Variants in DCTN1 observed in about 807,000 individuals in gnomAD.
DCTN1 encodes 150 kDa dynein-associated polypeptide.
DCTN1 carries 61 observed loss-of-function variants against 161.2 expected under a neutral mutation model. The observed-to-expected ratio is 0.38, with a 90% CI of 0.31 to 0.47. The LOEUF is 0.47. Among genes scored for constraint, DCTN1 ranks in the 20% least tolerant of loss-of-function variants. The probability of loss-of-function intolerance (pLI) is 0.99; values close to 1 mark genes in which losing one functional copy is unlikely to be tolerated. For missense variants in DCTN1, 1,404 were observed against 1,623.7 expected (o/e 0.86, Z 2.33); for synonymous variants, 653 against 632.4 (o/e 1.03, Z -0.49).
At chr2:74,384,620 G>A (rs1353084993), upstream of DCTN1, among the ~76,000 whole-genome samples, 1 of 152,194 alleles carries the variant, frequency 6.6e-6, no homozygotes, top group Non-Finnish European at 1.5e-5. Flanking sequence ...TTTGGAGAAT[G>A]AAAAAGGAGA....
upstream of DCTN1, chr2:74,380,376 T>C (rs2103737803): frequency 2.0e-6 from 1 of 509,228 alleles, no homozygotes. Context: ...GCCCCCCTGC[T>C]TCACGTGGGC....
In DCTN1 at chr2:74,367,025, A is replaced by C; in HGVS notation, c.2316+20T>G. ...ACTAAGAAAGAAGAGGAGCTCACAC[A>C]GATCTAGATGTGTTCTCACCTGCAA... On this transcript the variant is annotated intron_variant, in intron 20 of 31. Transcript: ENST00000628224. 1 of 1,614,222 alleles carries C rather than the reference A, an allele frequency of 6.2e-7. No individual in the cohort carries two copies.
chr2:74,377,758 A>G, intron 2 of DCTN1, 32 bp from the exon 3 acceptor site: 1 of 1,594,342 alleles, frequency 6.3e-7, no homozygotes, highest in Non-Finnish European at 8.6e-7. Flanking sequence ...CCAGATCAAT[A>G]GTTTCAATAT....
intron 31 of DCTN1, 66 bp from the exon 32 acceptor site, chr2:74,361,702 G>C: frequency 6.2e-7 from 1 of 1,607,700 alleles, no homozygotes; most frequent in Non-Finnish European, 8.5e-7. Flanking sequence ...GCCACTGAAG[G>C]GGTCCCTGAG....
intron 3 of DCTN1, 77 bp downstream of exon 3, chr2:74,377,571 T>C: frequency 6.6e-7 from 1 of 1,513,232 alleles, no homozygotes; most frequent in Non-Finnish European, 9.2e-7. Flanking sequence ...GGATCTACTG[T>C]GGCCCCATGT....
At chr2:74,377,972 C>CG (rs1491040240) in intron 2 of DCTN1, 28 bp downstream of exon 2, 1 of 1,613,110 alleles carries the variant, frequency 6.2e-7, no homozygotes, top group Non-Finnish European at 8.5e-7. Flanking sequence ...TGCACACATG[C>CG]ACAGACACAA....
chr2:74,366,448 T>C lies in DCTN1; in HGVS notation c.2628+11A>G, dbSNP rs776400717. On this transcript the variant is annotated intron_variant, in intron 22 of 31. Coordinates refer to ENST00000628224, the MANE Select transcript of DCTN1 (RefSeq NM_004082.5). ...TCTCCCCACACCTTCTACCCAGCCA[T>C]CCAGGCCCACCTGCTCGCTTGCTTT... 1 of 1,614,186 alleles carries C rather than the reference T, an allele frequency of 6.2e-7. No individual in the cohort carries two copies. The highest frequency in any genetic ancestry group is 1.7e-5 in the Admixed American group (1 of 60,026).
upstream of DCTN1, among the ~76,000 whole-genome samples, chr2:74,381,774 G>A (rs1359781344): frequency 6.6e-6 from 1 of 152,146 alleles, no homozygotes; most frequent in Non-Finnish European, 1.5e-5. Context: ...CCGTCATAGG[G>A]AAGTAACAAA....
In DCTN1 at chr2:74,380,284, C is replaced by A; in HGVS notation, c.-247G>T. 1.6e-6 allele frequency: 1 copy of A among 610,300 alleles called. No homozygotes were observed. The allele number at this position is 610,300 out of a possible 1,614,324, so 37.8% of individuals were successfully genotyped here. A position where few individuals can be genotyped will look rare whatever the true frequency, so the allele number is the denominator to read the frequency against. ...TTCCTGAACCCAGAGACACAGAATCCTGCTTGCCAGCTGATGAGTCTCACT... is the reference window on the plus strand; with the variant it reads ...TTCCTGAACCCAGAGACACAGAATCATGCTTGCCAGCTGATGAGTCTCACT... On this transcript the variant is annotated 5_prime_UTR_variant, in exon 1 of 32. The change creates a new upstream start codon in the 5' untranslated region. Coordinates refer to ENST00000628224, the MANE Select transcript of DCTN1 (RefSeq NM_004082.5).
chr2:74,368,527 T>C (rs779393521), intron 16 of DCTN1: 3 of 737,880 alleles, frequency 4.1e-6, no homozygotes, highest in Non-Finnish European at 6.7e-6. Context: ...AAATCTCTAA[T>C]TGTGCTCTCT....
intron 8 of DCTN1, 110 bp downstream of exon 8, chr2:74,371,427 C>A (rs1376181714): frequency 7.6e-7 from 1 of 1,307,790 alleles, no homozygotes; most frequent in African/African-American, 1.5e-5. Context: ...CTCACCCTTT[C>A]TGATCCAAGT....
At chr2:74,374,535 C>G in intron 5 of DCTN1, 195 bp from the exon 6 acceptor site, 1 of 1,401,678 alleles carries the variant, frequency 7.1e-7, no homozygotes, top group Middle Eastern at 2.7e-4. Flanking sequence ...GGTGCGGCAG[C>G]TTCCCAGCCT....
At chr2:74,367,654 C>G (rs199816247) in intron 18 of DCTN1, 42 bp downstream of exon 18, 25 of 1,613,654 alleles carry the variant, frequency 1.5e-5, no homozygotes, top group Middle Eastern at 3.5e-4. Flanking sequence ...CAAGTGAAAG[C>G]TTCCCTGCCT....
chr2:74,381,861 T>C (rs1675525102), upstream of DCTN1, among the ~76,000 whole-genome samples: 1 of 152,212 alleles, frequency 6.6e-6, no homozygotes, highest in Non-Finnish European at 1.5e-5. Context: ...GCCTGGTATT[T>C]AATAAGTGCT....
At chr2:74,374,871 A>C in intron 5 of DCTN1, 1 of 501,916 alleles carries the variant, frequency 2.0e-6, no homozygotes, top group South Asian at 6.9e-5. Flanking sequence ...GCCCACCCCC[A>C]AGAGCGTGCT....
In DCTN1 at chr2:74,370,819, T is replaced by C; in HGVS notation, c.850A>G (p.Lys284Glu). ...CGTTCCTTTGCCTCCAGCGCCTCCT[T>C]GGCTTCCTGAGGAAGAAGTGGAGGT... ...RRLKEARKEA[K>E]EALEAKERYM... The change falls in exon 10 of 32, where the codon AAG becomes GAG. Residue 284 changes from lysine to glutamate, a missense_variant. Lys to Glu is a moderately conservative substitution (Grantham distance 56). Transcript: ENST00000628224. This position sits in a 1 kb window ranked among gnomAD's most constrained non-coding sequence, Gnocchi z 4.4. 1 of 1,614,196 alleles carries C rather than the reference T, an allele frequency of 6.2e-7. No individual in the cohort carries two copies. Among genetic ancestry groups the C allele is most frequent in the Non-Finnish European group, 8.5e-7 (1 of 1,180,018 alleles).
intron 25 of DCTN1, 25 bp downstream of exon 25, chr2:74,365,490 C>T (rs1207633119): frequency 4.3e-6 from 7 of 1,613,946 alleles, no homozygotes; most frequent in Non-Finnish European, 5.9e-6. Context: ...TTAGAGGAAG[C>T]AAGGCCCCAG....
chr2:74,366,204 T>TA, intron 23 of DCTN1, 40 bp downstream of exon 23: 1 of 1,613,728 alleles, frequency 6.2e-7, no homozygotes, highest in South Asian at 1.1e-5. Context: ...GTCTTACTCC[T>TA]ACAGGCCTCT....
At chr2:74,368,969 T>C (rs1674627574) in intron 15 of DCTN1, 89 bp from the exon 16 acceptor site, 1 of 1,580,802 alleles carries the variant, frequency 6.3e-7, no homozygotes, top group Admixed American at 1.7e-5. Context: ...CCCTTGCTTC[T>C]AGGGCAAGCC....
Sources: allele counts gnomAD v4.1 joint callset (sites outside exome capture counted in the v4.1 genomes callset), GRCh38; gene constraint gnomAD v4.1.1; non-coding constraint Gnocchi (gnomAD v3.1); transcripts MANE v1.5; gene names NCBI Gene and HGNC (gene_info 2026-07-23, HGNC 2026-07-21).